BLOC1S6: variants seen among roughly 807,000 people sequenced by gnomAD.
BLOC1S6 encodes biogenesis of lysosomal organelles complex 1 subunit 6.
BLOC1S6 carries 24 observed loss-of-function variants against 24.7 expected under a neutral mutation model. That is an observed-to-expected ratio of 0.97 (90% confidence interval 0.70 to 1.37). The LOEUF is 1.37. Among genes scored for constraint, BLOC1S6 ranks in the 40% most tolerant of loss-of-function variants. The probability of loss-of-function intolerance (pLI) is 0.00; values close to 1 mark genes in which losing one functional copy is unlikely to be tolerated. For synonymous variants in BLOC1S6, 76 were observed against 72.6 expected, an observed-to-expected ratio of 1.05 and a Z score of -0.23; for missense variants, 175 against 196.2, an observed-to-expected ratio of 0.89 and a Z score of 0.64.
chr15:45,605,023 C>G (rs1894399660), intron 3 of BLOC1S6, among the ~76,000 whole-genome samples: 1 of 152,236 alleles, frequency 6.6e-6, no homozygotes. Flanking sequence ...TGGGCAGACA[C>G]TTCACTTAAA....
chr15:45,592,556 A>T (rs1014041249), intron 2 of BLOC1S6, among the ~76,000 whole-genome samples: 1 of 152,166 alleles, frequency 6.6e-6, no homozygotes, highest in African/African-American at 2.4e-5. Flanking sequence ...TTATTTTATG[A>T]AAGTATTGCC....
chr15:45,599,982 C>T lies in BLOC1S6; in HGVS notation c.225-3118C>T, dbSNP rs1456697482. On this transcript the variant is annotated intron_variant, in intron 2 of 4. Transcript: ENST00000220531. Reference sequence around the variant, plus strand: ...TTAAGAAAATATGGCACATATACACCATGGAATACTATGCAGCCATAAAAA... The same window carrying T: ...TTAAGAAAATATGGCACATATACACTATGGAATACTATGCAGCCATAAAAA... Among the ~76,000 whole-genome samples, 58 of 150,770 alleles carry T rather than the reference C, an allele frequency of 3.8e-4. 1 individual carries two copies. The South Asian group carries it at 0.012, about 30-fold the overall frequency.
intron 2 of BLOC1S6, chr15:45,601,127 A>T (rs1227564404): frequency 6.5e-6 from 1 of 154,056 alleles, no homozygotes; most frequent in Non-Finnish European, 1.5e-5. Flanking sequence ...AACAACAATA[A>T]CTAATAATAA....
chr15:45,591,645 G>T (rs1457081968), intron 1 of BLOC1S6, among the ~76,000 whole-genome samples: 1 of 152,072 alleles, frequency 6.6e-6, no homozygotes, highest in African/African-American at 2.4e-5. Context: ...AAAGTGCTAG[G>T]ATTACAGGTG....
chr15:45,589,111 C>A (rs1335970563), intron 1 of BLOC1S6, among the ~76,000 whole-genome samples: 2 of 152,130 alleles, frequency 1.3e-5, no homozygotes, highest in African/African-American at 4.8e-5. Context: ...GTGAAAATAA[C>A]CTAAATAATC....
chr15:45,607,225 A>T lies in BLOC1S6; in HGVS notation c.*711A>T, dbSNP rs533768473. 3.9e-5 allele frequency: 6 copies of T among 152,442 alleles called. No individual in the cohort carries two copies. In the East Asian group the frequency reaches 1.2e-3, roughly 29 times the overall value. 9.4% of individuals were successfully genotyped at this position (152,442 alleles called of 1,614,324 possible). On this transcript the variant is annotated 3_prime_UTR_variant, in exon 5 of 5. Transcript: ENST00000220531. ...ATGGAAAAGTGCATGTACGGGAAAT[A>T]ACAGCACTTTAGGTGTAGTTCAGGT...
Position 45,606,866 on chromosome 15 carries a change from A to T in BLOC1S6, c.*352A>T, listed in dbSNP as rs1894485672. The T allele has an allele frequency of 4.4e-6, 1 of 228,940 alleles. No homozygotes were observed. The highest frequency in any genetic ancestry group is 2.3e-5 in the African/African-American group (1 of 43,170). 14.2% of individuals were successfully genotyped at this position (228,940 alleles called of 1,614,324 possible). A position where few individuals can be genotyped will look rare whatever the true frequency, so the allele number is the denominator to read the frequency against. On this transcript the variant is annotated 3_prime_UTR_variant, in exon 5 of 5. Coordinates refer to ENST00000220531, the MANE Select transcript of BLOC1S6 (RefSeq NM_012388.4). ...AATGAATATGGATTTAAAACTCTCC[A>T]GTTCTTATTTTATGAAATGACTTGC...
intron 1 of BLOC1S6, among the ~76,000 whole-genome samples, chr15:45,591,227 C>T (rs1248004846): frequency 6.6e-6 from 1 of 152,154 alleles, no homozygotes; most frequent in African/African-American, 2.4e-5. Flanking sequence ...CACAACCCTC[C>T]TTTTACATGT....
chr15:45,603,102 A>G lies in BLOC1S6; in HGVS notation c.227A>G (p.Gln76Arg). 6.2e-7 allele frequency: 1 copy of G among 1,608,760 alleles called. No homozygotes were observed. Among genetic ancestry groups the G allele is most frequent in the South Asian group, 1.1e-5 (1 of 90,888 alleles). ...TTGGCTGTGTGTTTTTGTTTCAGAC[A>G]GAACCAAGTTGTATTGTTAGACACA... ...RSKQALQELT[Q>R]NQVVLLDTLE... The change falls in exon 3 of 5, where the codon CAG becomes CGG. Residue 76 changes from glutamine (Q) to arginine (R), a missense_variant and splice_region_variant. Physicochemically the swap from Gln to Arg is conservative, Grantham distance 43 (BLOSUM62 1). Transcript: ENST00000220531.
At chr15:45,602,357 C>T (rs756071371) in intron 2 of BLOC1S6, 7 of 683,958 alleles carry the variant, frequency 1.0e-5, no homozygotes, top group South Asian at 4.7e-5. Flanking sequence ...TTCTTTGTAG[C>T]ATTCTTTAAA....
At chr15:45,593,898 G>A (rs1893978295) in intron 2 of BLOC1S6, among the ~76,000 whole-genome samples, 1 of 152,042 alleles carries the variant, frequency 6.6e-6, no homozygotes, top group Admixed American at 6.6e-5. Flanking sequence ...GAGAGGTTAA[G>A]TAATTTGAAA....
chr15:45,605,334 A>T, intron 3 of BLOC1S6, 94 bp from the exon 4 acceptor site: 1 of 1,001,508 alleles, frequency 1.0e-6, no homozygotes, highest in South Asian at 1.5e-5. Context: ...CCAATTTAGG[A>T]AGCACAAACT....
intron 2 of BLOC1S6, among the ~76,000 whole-genome samples, chr15:45,593,772 T>G (rs1383258383): frequency 1.3e-5 from 2 of 152,114 alleles, no homozygotes; most frequent in African/African-American, 4.8e-5. Context: ...TTAGCTACTG[T>G]TTGTTATTAT....
At chr15:45,594,239 TA>T (rs1346503168) in intron 2 of BLOC1S6, among the ~76,000 whole-genome samples, 1 of 152,050 alleles carries the variant, frequency 6.6e-6, no homozygotes, top group Admixed American at 6.6e-5. Flanking sequence ...TAACAATGAG[TA>T]AGGAAGACCA....
intron 2 of BLOC1S6, among the ~76,000 whole-genome samples, chr15:45,602,140 C>T (rs968653095): frequency 1.1e-4 from 16 of 152,196 alleles, no homozygotes; most frequent in African/African-American, 3.6e-4. Flanking sequence ...AAGCAATCCT[C>T]CTTCCTTGGC....
chr15:45,587,286 C>A, upstream of BLOC1S6: 1 of 728,550 alleles, frequency 1.4e-6, no homozygotes, highest in Non-Finnish European at 2.4e-6. Flanking sequence ...GCAGAGCCAA[C>A]TCTCGAGCGC....
At chr15:45,588,560 A>C (rs1893773059) in intron 1 of BLOC1S6, among the ~76,000 whole-genome samples, 1 of 151,900 alleles carries the variant, frequency 6.6e-6, no homozygotes, top group African/African-American at 2.4e-5. Flanking sequence ...TTCACCTTTA[A>C]AACAGCTGTT....
intron 1 of BLOC1S6, 126 bp downstream of exon 1, chr15:45,587,651 G>T (rs779881459): frequency 2.3e-4 from 219 of 973,056 alleles, no homozygotes; most frequent in African/African-American, 6.6e-4. Context: ...CCCGGGCCCT[G>T]CCCCGAGTGC....
chr15:45,589,166 C>G (rs765461537), intron 1 of BLOC1S6, among the ~76,000 whole-genome samples: 21 of 152,164 alleles, frequency 1.4e-4, no homozygotes, highest in Non-Finnish European at 2.9e-4. Context: ...GAATTCTATT[C>G]TGCTAAAAAT....
Sources: gnomAD v4.1 joint callset for allele counts (sites outside exome capture counted in the v4.1 genomes callset) on GRCh38, gnomAD v4.1.1 for gene constraint, MANE v1.5 for transcripts, NCBI Gene and HGNC (gene_info 2026-07-23, HGNC 2026-07-21) for gene names.